The following TNRC18 variants were observed in gnomAD, a reference collection of about 807,000 sequenced individuals.
TNRC18 encodes the protein trinucleotide repeat containing 18.
In TNRC18, 69 loss-of-function variants were observed where a neutral mutation model predicts 226.7. The ratio of observed to expected loss-of-function variants is 0.30; its 90% CI spans 0.25 to 0.37. The LOEUF (loss-of-function observed/expected upper bound fraction) is 0.37, where lower values mean the gene tolerates loss of function less well. Among genes scored for constraint, TNRC18 ranks in the 10% least tolerant of loss-of-function variants. The pLI, the probability that TNRC18 is intolerant of heterozygous loss-of-function variation, is 1.00. For missense variants in TNRC18, 4,754 were observed against 4,256.6 expected (o/e 1.12, Z -3.25); for synonymous variants, 2,449 against 1,927.6 (o/e 1.27, Z -7.09).
At chr7:5,378,240 C>T (rs1320425361) in intron 5 of TNRC18, among the ~76,000 whole-genome samples, 4 of 152,068 alleles carry the variant, frequency 2.6e-5, no homozygotes, top group Admixed American at 6.6e-5. Flanking sequence ...ATCATCCATC[C>T]GCTCTGTCAT....
rs113387913 is a variant in TNRC18 at position 5,330,294 on chromosome 7, A to G, written c.6147+2328T>C. Among the ~76,000 whole-genome samples, 683 of 152,110 alleles carry G rather than the reference A, an allele frequency of 4.5e-3. 4 individuals carry two copies. Among genetic ancestry groups the G allele is most frequent in the African/African-American group, 0.016 (654 of 41,478 alleles). On this transcript the variant is annotated intron_variant, in intron 19 of 29. Coordinates refer to ENST00000430969, the MANE Select transcript of TNRC18 (RefSeq NM_001080495.3). The stretch of plus-strand genomic sequence containing the variant: ...GCCTAGGCTGGAGTGAGGCAGTATG[A>G]TCATAGCTCACTGCAGCCTTCACCT...
Position 5,324,112 on chromosome 7 carries a change from C to CA in TNRC18, c.6442+101dup. 7.5e-7 allele frequency: 1 copy of CA among 1,324,834 alleles called. No individual in the cohort carries two copies. The highest frequency in any genetic ancestry group is 2.6e-4 in the Middle Eastern group (1 of 3,824). The allele number at this position is 1,324,834 out of a possible 1,614,324, so 82.1% of individuals were successfully genotyped here. ...CTCTGCTCCTGTGGTTCCCTGCCCC[C>CA]AGCTAGCCCAGCCCTTCAGTCTCAA... On this transcript the variant is annotated intron_variant, in intron 21 of 29. Coordinates refer to ENST00000430969, the MANE Select transcript of TNRC18 (RefSeq NM_001080495.3). This position sits in a 1 kb window ranked among gnomAD's most constrained non-coding sequence, Gnocchi z 4.8.
At chr7:5,325,436 T>G (rs1032866683) in intron 19 of TNRC18, 188 bp from the exon 20 acceptor site, 11 of 623,764 alleles carry the variant, frequency 1.8e-5, no homozygotes, top group Non-Finnish European at 2.6e-5. Context: ...TTGTTTTTTT[T>G]TTTTTGAGAC....
intron 25 of TNRC18, 64 bp from the exon 26 acceptor site, chr7:5,315,212 C>G (rs1004762173): frequency 6.6e-7 from 1 of 1,526,178 alleles, no homozygotes. Context: ...CTTCCAAGAC[C>G]CTGGTCTGTC....
chr7:5,394,392 G>A lies in TNRC18; in HGVS notation c.343+48C>T, dbSNP rs1262868964. 4 of 1,465,296 alleles carry A rather than the reference G, an allele frequency of 2.7e-6. No homozygotes were observed. Among genetic ancestry groups the A allele is most frequent in the African/African-American group, 1.4e-5 (1 of 68,990 alleles). The allele number at this position is 1,465,296 out of a possible 1,614,324, so 90.8% of individuals were successfully genotyped here. A position where few individuals can be genotyped will look rare whatever the true frequency, so the allele number is the denominator to read the frequency against. ...GCACATGAAGTGGCCAGAGTGGCTGGGACGTCAGCCCAGCAGCCCTCAGCC... is the reference window on the plus strand; with the variant it reads ...GCACATGAAGTGGCCAGAGTGGCTGAGACGTCAGCCCAGCAGCCCTCAGCC... On this transcript the variant is annotated intron_variant, in intron 3 of 29. Transcript: ENST00000430969. The surrounding 1 kb of genome is among the most constrained non-coding windows in gnomAD (Gnocchi z 4.5).
chr7:5,349,934 C>A (rs936415572), intron 17 of TNRC18, among the ~76,000 whole-genome samples: 16 of 152,096 alleles, frequency 1.1e-4, no homozygotes, highest in African/African-American at 3.9e-4. Context: ...CGCCTCCCCT[C>A]ACCCCCCGCA....
Position 5,388,224 on chromosome 7 carries a change from G to A in TNRC18, c.1600C>T (p.Arg534Cys), listed in dbSNP as rs529943064. Residue 534 changes from arginine to cysteine, a missense_variant, in exon 5 of 30, where the codon CGC becomes TGC. By Grantham distance (180) the Arg-to-Cys change is radical. Coordinates refer to ENST00000430969, the MANE Select transcript of TNRC18 (RefSeq NM_001080495.3). Reference protein sequence around the residue: ...AVLAAQHHHSRAEEEAAVVAA... With the variant: ...AVLAAQHHHSCAEEEAAVVAA... ...ACCACGGCGGCCTCCTCTTCGGCGC[G>A]GCTGTGGTGGTGCTGCGCGGCCAGC... 7 of 1,603,108 alleles carry A rather than the reference G, an allele frequency of 4.4e-6. No homozygotes were observed. Among genetic ancestry groups the A allele is most frequent in the South Asian group, 3.3e-5 (3 of 89,568 alleles).
chr7:5,345,496 TG>T (rs1416775286), intron 18 of TNRC18, 65 bp downstream of exon 18: 3 of 1,379,032 alleles, frequency 2.2e-6, no homozygotes, highest in Non-Finnish European at 2.9e-6. Context: ...TCCTCACCTG[TG>T]GGATGGGGCA....
intron 11 of TNRC18, among the ~76,000 whole-genome samples, chr7:5,367,584 C>T (rs1447704550): frequency 2.0e-5 from 3 of 151,232 alleles, no homozygotes; most frequent in South Asian, 2.1e-4. Flanking sequence ...CCCGCCACCA[C>T]GCCCAGCTAA....
chr7:5,314,348 G>A (rs1415702228), intron 26 of TNRC18, among the ~76,000 whole-genome samples: 1 of 152,044 alleles, frequency 6.6e-6, no homozygotes, highest in Admixed American at 6.6e-5. Context: ...TCCTTCGGCG[G>A]TTCCCCTATA....
chr7:5,423,170 G>C (rs979445406), intron 1 of TNRC18: 84 of 152,352 alleles, frequency 5.5e-4, no homozygotes, highest in African/African-American at 1.9e-3. Context: ...TGGGAACCGA[G>C]AGAGGAACCG....
At chr7:5,363,752 C>G (rs565141958) in intron 11 of TNRC18, among the ~76,000 whole-genome samples, 1 of 152,198 alleles carries the variant, frequency 6.6e-6, no homozygotes, top group South Asian at 2.1e-4. Context: ...AGCAGTACGG[C>G]TCTCCTTCCA....
intron 2 of TNRC18, among the ~76,000 whole-genome samples, chr7:5,397,948 C>T (rs933090507): frequency 1.3e-5 from 2 of 152,172 alleles, no homozygotes; most frequent in African/African-American, 4.8e-5. Context: ...CCACCTGTGA[C>T]CTGCCACCCA....
rs35258700 is a variant in TNRC18, at chr7:5,325,014, G to C, written c.6300+82C>G. On this transcript the variant is annotated intron_variant, in intron 20 of 29. Coordinates refer to ENST00000430969, the MANE Select transcript of TNRC18 (RefSeq NM_001080495.3). ...AGCTATAGGGAGGGTGAATACAGAG[G>C]AGCAGGTGGAGCCCCCTGCCCTGAC... 0.14 allele frequency: 205,184 copies of C among 1,465,600 alleles called. 15,192 individuals carry two copies. Among genetic ancestry groups the C allele is most frequent in the Admixed American group, 0.22 (8,569 of 39,512 alleles). 90.8% of individuals were successfully genotyped at this position (1,465,600 alleles called of 1,614,324 possible). A position where few individuals can be genotyped will look rare whatever the true frequency, so the allele number is the denominator to read the frequency against.
chr7:5,311,262 G>C lies in TNRC18; in HGVS notation c.8388+1241C>G, dbSNP rs187791604. On this transcript the variant is annotated intron_variant, in intron 27 of 29. Coordinates refer to ENST00000430969, the MANE Select transcript of TNRC18 (RefSeq NM_001080495.3). ...GTGCAAGTGTGTGTGCGTGTGTGTA[G>C]ACAGCCACAGGCAGGCTGGAAGGGC... Among the ~76,000 whole-genome samples the C allele has an allele frequency of 1.7e-4, 26 of 152,332 alleles. No individual in the cohort carries two copies. The East Asian group carries it at 5.0e-3, about 29-fold the overall frequency.
intron 11 of TNRC18, among the ~76,000 whole-genome samples, chr7:5,363,541 T>C (rs1278914730): frequency 1.3e-5 from 2 of 152,072 alleles, no homozygotes; most frequent in East Asian, 3.9e-4. Flanking sequence ...GAGGCGGAGC[T>C]TGCAGTAAGC....
chr7:5,416,039 G>C (rs916405860), intron 2 of TNRC18, among the ~76,000 whole-genome samples: 1 of 151,350 alleles, frequency 6.6e-6, no homozygotes, highest in Non-Finnish European at 1.5e-5. Context: ...TTGAACCCAG[G>C]AGGTGGAGGT....
chr7:5,334,325 C>T (rs1276433475), intron 18 of TNRC18, among the ~76,000 whole-genome samples: 2 of 151,276 alleles, frequency 1.3e-5, no homozygotes, highest in African/African-American at 2.4e-5. Context: ...GAGACGGAGT[C>T]TCGCTTTGTC....
In TNRC18 at chr7:5,309,885, G is replaced by T. The variant is rs1449683326; in HGVS notation, c.8389-517C>A. Among the ~76,000 whole-genome samples the T allele has an allele frequency of 6.6e-6, 1 of 152,102 alleles. No individual in the cohort carries two copies. The highest frequency in any genetic ancestry group is 1.5e-5 in the Non-Finnish European group (1 of 68,014). ...CCAAAGCACTAGGATCGCAGTGTCA[G>T]CCACTGCACCTGGCCTTATTTTTCT... On this transcript the variant is annotated intron_variant, in intron 27 of 29. Coordinates refer to ENST00000430969, the MANE Select transcript of TNRC18 (RefSeq NM_001080495.3). The surrounding 1 kb of genome is among the most constrained non-coding windows in gnomAD (Gnocchi z 5.7).
Sources: gnomAD v4.1 joint callset for allele counts (sites outside exome capture counted in the v4.1 genomes callset) on GRCh38, gnomAD v4.1.1 for gene constraint, Gnocchi (gnomAD v3.1) non-coding constraint, MANE v1.5 for transcripts, NCBI Gene and HGNC (gene_info 2026-07-23, HGNC 2026-07-21) for gene names.